Variants in L3MBTL4 observed in about 807,000 individuals in gnomAD.
The protein encoded by L3MBTL4 is L3MBTL histone methyl-lysine binding protein 4.
A neutral mutation model predicts 84.5 loss-of-function variants in L3MBTL4; 70 were observed. That is an observed-to-expected ratio of 0.83 (90% CI 0.68 to 1.01). The LOEUF (loss-of-function observed/expected upper bound fraction) is 1.01. Among genes scored for constraint, L3MBTL4 ranks in the 50% least tolerant of loss-of-function variants. The pLI is 0.00. For synonymous variants in L3MBTL4, 274 were observed against 259.8 expected (o/e 1.05, Z -0.52); for missense variants, 715 against 754.8 (o/e 0.95, Z 0.62).
At chr18:6,011,295 C>T (rs1279375270) in intron 16 of L3MBTL4, among the ~76,000 whole-genome samples, 1 of 152,072 alleles carries the variant, frequency 6.6e-6, no homozygotes, top group African/African-American at 2.4e-5. Context: ...GCCATGATAG[C>T]ATATTCAGAA....
intron 16 of L3MBTL4, among the ~76,000 whole-genome samples, chr18:5,981,172 C>T (rs1376121181): frequency 6.6e-6 from 1 of 152,200 alleles, no homozygotes; most frequent in Non-Finnish European, 1.5e-5. Flanking sequence ...ATGCTAATTA[C>T]AGGCAGCAAG....
intron 13 of L3MBTL4, among the ~76,000 whole-genome samples, chr18:6,142,875 A>G (rs1352942618): frequency 6.6e-6 from 1 of 152,150 alleles, no homozygotes; most frequent in Non-Finnish European, 1.5e-5. Flanking sequence ...GGAGACAGTG[A>G]GACTGTATCT....
rs111558666 is a variant in L3MBTL4 at position 6,150,424 on chromosome 18, TAC to T, written c.1097-12130_1097-12129del. ...GAAAATGTTATGAGTTGTTTGAGAATACACACACACACACACACACACGCACA... is the reference window on the plus strand; with the variant it reads ...GAAAATGTTATGAGTTGTTTGAGAATACACACACACACACACACACGCACA... On this transcript the variant is annotated intron_variant, in intron 13 of 18. Transcript: ENST00000317931. Among the ~76,000 whole-genome samples the T allele has an allele frequency of 2.2e-3, 320 of 148,704 alleles. 1 individual carries two copies. Among genetic ancestry groups the T allele is most frequent in the African/African-American group, 5.1e-3 (209 of 40,752 alleles).
chr18:6,180,005 G>A (rs1352975588), intron 12 of L3MBTL4, among the ~76,000 whole-genome samples: 1 of 152,172 alleles, frequency 6.6e-6, no homozygotes, highest in Non-Finnish European at 1.5e-5. Context: ...CCTCACAGAT[G>A]TTAAGAGGTT....
intron 14 of L3MBTL4, among the ~76,000 whole-genome samples, chr18:6,133,073 G>A (rs768821508): frequency 1.1e-4 from 17 of 152,156 alleles, no homozygotes; most frequent in Non-Finnish European, 1.6e-4. Flanking sequence ...AAGTTTTGAA[G>A]GAGGCATTAA....
intron 1 of L3MBTL4, among the ~76,000 whole-genome samples, chr18:6,344,259 C>T (rs2052760663): frequency 6.6e-6 from 1 of 152,102 alleles, no homozygotes; most frequent in Admixed American, 6.5e-5. Context: ...CATAACACTA[C>T]TATGAACAAT....
At chr18:6,270,204 C>T (rs76998669) in intron 4 of L3MBTL4, among the ~76,000 whole-genome samples, 1,952 of 152,334 alleles carry the variant, frequency 0.013, 39 homozygotes, top group African/African-American at 0.044. Context: ...CAATACCCCG[C>T]TTAGGCCACA....
chr18:6,109,640 C>T (rs945918962), intron 14 of L3MBTL4, among the ~76,000 whole-genome samples: 10 of 152,108 alleles, frequency 6.6e-5, no homozygotes, highest in South Asian at 2.1e-4. Context: ...CAAATGCCCA[C>T]GTGCAAACCT....
intron 17 of L3MBTL4, among the ~76,000 whole-genome samples, chr18:5,966,172 T>G (rs183701473): frequency 1.3e-5 from 2 of 152,190 alleles, no homozygotes; most frequent in Non-Finnish European, 2.9e-5. Context: ...TGATTTTGTT[T>G]CTGTTAAGTG....
chr18:6,372,411 C>T (rs548039582), intron 1 of L3MBTL4, among the ~76,000 whole-genome samples: 52 of 152,286 alleles, frequency 3.4e-4, no homozygotes, highest in Middle Eastern at 6.8e-3. Context: ...TGCCAGCACC[C>T]ATGACAAATA....
At chr18:6,289,606 C>T (rs1298613289) in intron 4 of L3MBTL4, among the ~76,000 whole-genome samples, 2 of 152,160 alleles carry the variant, frequency 1.3e-5, no homozygotes, top group Non-Finnish European at 2.9e-5. Context: ...TGCTGTATCT[C>T]CCTGCATGTG....
chr18:6,083,564 T>C (rs1159111069), intron 15 of L3MBTL4, among the ~76,000 whole-genome samples: 1 of 152,202 alleles, frequency 6.6e-6, no homozygotes, highest in Non-Finnish European at 1.5e-5. Flanking sequence ...AGGCCAGTCA[T>C]GAGCCAAAGA....
chr18:6,104,276 T>G (rs1410654652), intron 14 of L3MBTL4, among the ~76,000 whole-genome samples: 1 of 151,960 alleles, frequency 6.6e-6, no homozygotes, highest in Non-Finnish European at 1.5e-5. Flanking sequence ...TTTGTACACC[T>G]GCATTCATTG....
chr18:6,351,972 C>T (rs1180253087), intron 1 of L3MBTL4, among the ~76,000 whole-genome samples: 1 of 152,136 alleles, frequency 6.6e-6, no homozygotes, highest in East Asian at 1.9e-4. Flanking sequence ...AGGCATGAGC[C>T]ACCACTCAAG....
chr18:6,104,538 A>T (rs901879863), intron 14 of L3MBTL4, among the ~76,000 whole-genome samples: 1 of 152,198 alleles, frequency 6.6e-6, no homozygotes, highest in Non-Finnish European at 1.5e-5. Flanking sequence ...AGACTTAAGA[A>T]GCAGAAAGTA....
At chr18:5,981,200 A>T (rs2053194678) in intron 16 of L3MBTL4, among the ~76,000 whole-genome samples, 1 of 152,200 alleles carries the variant, frequency 6.6e-6, no homozygotes, top group Non-Finnish European at 1.5e-5. Flanking sequence ...GGCTGTGATG[A>T]TTAGAAAATA....
intron 15 of L3MBTL4, among the ~76,000 whole-genome samples, chr18:6,092,621 C>T (rs1440244327): frequency 6.6e-6 from 1 of 152,206 alleles, no homozygotes; most frequent in Non-Finnish European, 1.5e-5. Flanking sequence ...TTTCTTGGCT[C>T]AGTCTCTGTC....
intron 1 of L3MBTL4, among the ~76,000 whole-genome samples, chr18:6,315,323 T>C (rs1162897620): frequency 6.6e-6 from 1 of 152,238 alleles, no homozygotes; most frequent in African/African-American, 2.4e-5. Context: ...ATTCATAATG[T>C]TTGAATAAAT....
At chr18:6,160,088 G>A (rs1390531272) in intron 13 of L3MBTL4, among the ~76,000 whole-genome samples, 1 of 152,176 alleles carries the variant, frequency 6.6e-6, no homozygotes, top group Non-Finnish European at 1.5e-5. Context: ...CTGCCCTGCT[G>A]GTGGACTGGC....
Sources: allele counts gnomAD v4.1 joint callset (sites outside exome capture counted in the v4.1 genomes callset), GRCh38; gene constraint gnomAD v4.1.1; transcripts MANE v1.5; gene names NCBI Gene and HGNC (gene_info 2026-07-23, HGNC 2026-07-21).